The following CETP variants were observed in gnomAD, a reference collection of about 807,000 sequenced individuals.
CETP encodes the protein cholesteryl ester transfer protein, also known as BPI fold containing family F.
CETP carries 56 observed loss-of-function variants against 66.5 expected under a neutral mutation model. That is an observed-to-expected ratio of 0.84 (90% CI 0.68 to 1.05). The LOEUF is 1.05. Among genes scored for constraint, CETP ranks in the 50% least tolerant of loss-of-function variants. The probability of loss-of-function intolerance (pLI) is 0.00; values close to 1 mark genes in which losing one functional copy is unlikely to be tolerated. For missense variants in CETP, 612 were observed against 609.6 expected (o/e 1.00, Z -0.04); for synonymous variants, 251 against 245.7 (o/e 1.02, Z -0.20).
chr16:56,962,266 C>G, intron 1 of CETP, 169 bp downstream of exon 1: 1 of 743,912 alleles, frequency 1.3e-6, no homozygotes, highest in South Asian at 1.4e-5. Flanking sequence ...ATCACCCCCT[C>G]CTGACCTCGC....
chr16:56,970,788 G>A (rs1403854644), intron 5 of CETP, among the ~76,000 whole-genome samples: 3 of 152,326 alleles, frequency 2.0e-5, no homozygotes, highest in Admixed American at 1.3e-4. Flanking sequence ...ACACGTTCTC[G>A]TGTGTGTGAC....
At chr16:56,981,326 C>T in intron 12 of CETP, 101 bp downstream of exon 12, 1 of 998,562 alleles carries the variant, frequency 1.0e-6, no homozygotes, top group Non-Finnish European at 1.6e-6. Context: ...GAAATGTGGC[C>T]CCTTTCTTCT....
chr16:56,981,555 C>T (rs1169113500), intron 12 of CETP, 92 bp from the exon 13 acceptor site: 2 of 1,412,606 alleles, frequency 1.4e-6, no homozygotes, highest in Non-Finnish European at 1.0e-6. Flanking sequence ...GAGACAGAAG[C>T]ACTGGCTGCT....
intron 2 of CETP, among the ~76,000 whole-genome samples, chr16:56,965,006 A>C (rs12720926): frequency 2.7e-4 from 41 of 152,160 alleles, no homozygotes; most frequent in African/African-American, 9.4e-4. Context: ...CCAGCTACTC[A>C]GGAGGCCAGG....
intron 2 of CETP, among the ~76,000 whole-genome samples, chr16:56,967,676 G>A (rs956937487): frequency 7.5e-5 from 11 of 146,664 alleles, no homozygotes; most frequent in African/African-American, 1.5e-4. Flanking sequence ...AAAAAACAAT[G>A]GTATGAGCTT....
In CETP at chr16:56,981,990, C is replaced by T. The variant is rs142517945; in HGVS notation, c.1249-175C>T. Reference sequence around the variant, plus strand: ...CTAGCAATCCTGGGCCTCCCCAGGGCGAAGGAAAGACCACTCAGGAAGGGC... The same window carrying T: ...CTAGCAATCCTGGGCCTCCCCAGGGTGAAGGAAAGACCACTCAGGAAGGGC... On this transcript the variant is annotated intron_variant, in intron 13 of 15. Transcript: ENST00000200676. 3.3e-3 allele frequency among the ~76,000 whole-genome samples: 498 copies of T among 152,186 alleles called. 3 individuals carry two copies. Among genetic ancestry groups the T allele is most frequent in the African/African-American group, 0.011 (447 of 41,522 alleles).
In CETP at chr16:56,962,097, TGTAA is replaced by T. The variant is rs751916721; in HGVS notation, c.118+4_118+7del. 143 of 1,611,454 alleles carry T rather than the reference TGTAA, an allele frequency of 8.9e-5. No individual in the cohort carries two copies. The highest frequency in any genetic ancestry group is 4.5e-5 in the East Asian group (2 of 44,866). ...CATCACCAAGCCTGCCCTCCTGGTG[TGTAA>T]GTATCAGTGCATCTGTCTGCCCTGC... On this transcript the variant is annotated splice_donor_variant and splice_donor_region_variant and intron_variant, in intron 1 of 15. Transcript: ENST00000200676. LOFTEE classifies it high-confidence loss of function.
rs1405410466 is a variant in CETP, at chr16:56,971,502, G to C, written c.658+121G>C. 7 of 893,596 alleles carry C rather than the reference G, an allele frequency of 7.8e-6. No individual in the cohort carries two copies. In the Admixed American group the frequency reaches 1.2e-4, roughly 15 times the overall value. The allele number at this position is 893,596 out of a possible 1,614,324, so 55.4% of individuals were successfully genotyped here. The stretch of plus-strand genomic sequence containing the variant: ...GTCTAGGTCCCATGGGCTCTATCTG[G>C]CTCTGACACTTGATGATTAGTTATG... On this transcript the variant is annotated intron_variant, in intron 7 of 15. Coordinates refer to ENST00000200676, the MANE Select transcript of CETP (RefSeq NM_000078.3).
At chr16:56,975,433 C>A (rs1269456864) in intron 10 of CETP, among the ~76,000 whole-genome samples, 2 of 152,164 alleles carry the variant, frequency 1.3e-5, no homozygotes, top group Admixed American at 6.5e-5. Context: ...TCTATTGCCC[C>A]CAAAGATAAG....
intron 12 of CETP, among the ~76,000 whole-genome samples, 199 bp downstream of exon 12, chr16:56,981,424 CTGCCAGGAAGAA>C (rs1193771645): frequency 1.8e-4 from 1 of 5,598 alleles, no homozygotes; most frequent in African/African-American, 3.2e-4. Context: ...GAATGGAGGG[CTGCCAGGAAGAA>C]GGGCCTGGCA....
intron 13 of CETP, 126 bp from the exon 14 acceptor site, chr16:56,982,039 G>T: frequency 1.1e-6 from 1 of 910,382 alleles, no homozygotes; most frequent in East Asian, 2.5e-5. Flanking sequence ...GGAAAACGGA[G>T]TGGGTTGGAT....
Position 56,983,594 on chromosome 16 carries a change from C to T in CETP, c.1410C>T (p.Gly470=), listed in dbSNP as rs199740383. ...TCTCCTACTGCCCCTCCCTTCAGGG[C>T]TTCCTGCTGCTGCAGATGGACTTTG... ...IINPEIITRD[G]FLLLQMDFGF... Residue 470 remains glycine, a splice_region_variant and synonymous_variant, in exon 16 of 16, where the codon GGC becomes GGT. Transcript: ENST00000200676. 1 of 1,614,196 alleles carries T rather than the reference C, an allele frequency of 6.2e-7. No homozygotes were observed. Among genetic ancestry groups the T allele is most frequent in the Admixed American group, 1.7e-5 (1 of 60,026 alleles).
At chr16:56,972,197 G>T in intron 8 of CETP, 114 bp downstream of exon 8, 2 of 764,186 alleles carry the variant, frequency 2.6e-6, no homozygotes, top group South Asian at 3.1e-5. Context: ...CAAGAGTCCT[G>T]GGGCGCTCCT....
intron 2 of CETP, among the ~76,000 whole-genome samples, chr16:56,967,551 A>T (rs1462299970): frequency 1.3e-5 from 2 of 149,586 alleles, no homozygotes; most frequent in Non-Finnish European, 3.0e-5. Flanking sequence ...GCTACTAGGG[A>T]GGCTGAGGCA....
chr16:56,973,283 G>C, intron 8 of CETP, 48 bp from the exon 9 acceptor site: 1 of 1,601,726 alleles, frequency 6.2e-7, no homozygotes, highest in Non-Finnish European at 8.5e-7. Flanking sequence ...CTGGACCTGA[G>C]CCCAGTAGGG....
At position 56,973,445 on chromosome 16, in the gene CETP, T is replaced by C; in HGVS notation, c.865T>C (p.Ser289Pro). 1 of 1,614,182 alleles carries C rather than the reference T, an allele frequency of 6.2e-7. No individual in the cohort carries two copies. Among genetic ancestry groups the C allele is most frequent in the South Asian group, 1.1e-5 (1 of 91,086 alleles). ...YFWFSERVFH[S>P]LAKVAFQDGR... is the part of the protein sequence containing the mutation. ...CTGGTTCTCTGAGCGAGTCTTCCAC[T>C]CGCTGGCCAAGGTAGCTTTCCAGGA... Residue 289 changes from serine (S) to proline (P), a missense_variant, in exon 9 of 16, where the codon TCG (serine) becomes CCG (proline). By Grantham distance (74) the Ser-to-Pro change is moderately conservative. Transcript: ENST00000200676.
At chr16:56,977,988 C>T in intron 10 of CETP, 103 bp from the exon 11 acceptor site, 1 of 1,460,966 alleles carries the variant, frequency 6.8e-7, no homozygotes, top group South Asian at 1.3e-5. Context: ...TTTCCCCAGC[C>T]CTGGGGCCCG....
intron 9 of CETP, among the ~76,000 whole-genome samples, chr16:56,974,067 CTGGTTTCGGGTCTGGTTCCT>C (rs1433517119): frequency 6.6e-6 from 1 of 152,154 alleles, no homozygotes. Context: ...AGGCCCAGGC[CTGGTTTCGGGTCTGGTTCCT>C]TGGTTTCGGG....
chr16:56,966,476 C>A (rs1449905566), intron 2 of CETP, among the ~76,000 whole-genome samples: 2 of 152,210 alleles, frequency 1.3e-5, no homozygotes, highest in East Asian at 3.8e-4. Flanking sequence ...AGAGCCGGAG[C>A]CCAGCTTCGT....
Sources: gnomAD v4.1 joint callset for allele counts (sites outside exome capture counted in the v4.1 genomes callset) on GRCh38, gnomAD v4.1.1 for gene constraint, MANE v1.5 for transcripts, NCBI Gene and HGNC (gene_info 2026-07-23, HGNC 2026-07-21) for gene names.